MAGI2: variants seen among roughly 807,000 people sequenced by gnomAD.
MAGI2 encodes the protein membrane-associated guanylate kinase, WW and PDZ domain-containing protein 2.
Under a neutral mutation model 133.3 loss-of-function variants are expected in MAGI2, and 35 were observed. The observed-to-expected ratio is 0.26, with a 90% CI of 0.20 to 0.35. The LOEUF is 0.35. Among genes scored for constraint, MAGI2 ranks in the 10% least tolerant of loss-of-function variants. MAGI2 has a pLI of 1.00. For synonymous variants in MAGI2, 729 were observed against 710.6 expected (o/e 1.03, Z -0.41); for missense variants, 1,636 against 1,863.4 (o/e 0.88, Z 2.25).
At chr7:78,269,126 A>G (rs1182805740) in intron 9 of MAGI2, among the ~76,000 whole-genome samples, 1 of 152,146 alleles carries the variant, frequency 6.6e-6, no homozygotes, top group Non-Finnish European at 1.5e-5. Flanking sequence ...ACTCTTTTAT[A>G]ATGGCTGCAT....
At chr7:78,865,134 T>C (rs1345537741) in intron 2 of MAGI2, among the ~76,000 whole-genome samples, 4 of 152,198 alleles carry the variant, frequency 2.6e-5, no homozygotes, top group Non-Finnish European at 5.9e-5. Flanking sequence ...AAATCCTTTG[T>C]AGGAAACTTG....
At chr7:78,773,087 T>C (rs1248887579) in intron 2 of MAGI2, among the ~76,000 whole-genome samples, 2 of 152,104 alleles carry the variant, frequency 1.3e-5, no homozygotes, top group African/African-American at 4.8e-5. Context: ...GAGAAAGACA[T>C]ATTACCTTAG....
intron 1 of MAGI2, among the ~76,000 whole-genome samples, chr7:79,387,933 A>T (rs1251120860): frequency 1.3e-5 from 2 of 152,040 alleles, no homozygotes; most frequent in African/African-American, 4.8e-5. Context: ...GAACACTTTT[A>T]AATGAATAAT....
chr7:78,694,410 G>A (rs1458546435), intron 2 of MAGI2, among the ~76,000 whole-genome samples: 2 of 152,102 alleles, frequency 1.3e-5, no homozygotes, highest in African/African-American at 4.8e-5. Context: ...TCTCCCATTT[G>A]AAGTAGTCCT....
At chr7:78,289,441 T>C (rs1361747976) in intron 9 of MAGI2, among the ~76,000 whole-genome samples, 2 of 152,204 alleles carry the variant, frequency 1.3e-5, no homozygotes, top group South Asian at 2.1e-4. Context: ...CCAAGAAATA[T>C]GGGATTATGT....
intron 2 of MAGI2, among the ~76,000 whole-genome samples, chr7:78,696,671 T>C (rs1817543449): frequency 6.9e-6 from 1 of 145,452 alleles, no homozygotes; most frequent in South Asian, 2.1e-4. Flanking sequence ...GTCATTACTA[T>C]GCAAACTGAT....
chr7:79,394,157 T>A (rs1844874559), intron 1 of MAGI2, among the ~76,000 whole-genome samples: 1 of 152,146 alleles, frequency 6.6e-6, no homozygotes, highest in Non-Finnish European at 1.5e-5. Flanking sequence ...ATGCAGACTC[T>A]AACCCTGGTA....
intron 1 of MAGI2, among the ~76,000 whole-genome samples, chr7:79,307,430 C>T (rs1227372853): frequency 6.6e-6 from 1 of 152,154 alleles, no homozygotes; most frequent in Non-Finnish European, 1.5e-5. Flanking sequence ...AAGTGAGAGG[C>T]TTCACCAGAG....
intron 3 of MAGI2, among the ~76,000 whole-genome samples, chr7:78,574,637 A>G (rs983312695): frequency 1.3e-5 from 2 of 152,206 alleles, no homozygotes; most frequent in African/African-American, 2.4e-5. Flanking sequence ...AGAGTACATA[A>G]TCAAGCAATT....
chr7:78,442,295 G>A (rs1787708741), intron 6 of MAGI2, among the ~76,000 whole-genome samples: 1 of 152,164 alleles, frequency 6.6e-6, no homozygotes, highest in Non-Finnish European at 1.5e-5. Flanking sequence ...ATCATTTGAT[G>A]ATAGATTCTA....
At chr7:78,335,173 C>T (rs544763095) in intron 9 of MAGI2, among the ~76,000 whole-genome samples, 5 of 152,248 alleles carry the variant, frequency 3.3e-5, no homozygotes, top group South Asian at 2.1e-4. Flanking sequence ...TTGCTGATTT[C>T]GGTTCTAGTG....
At chr7:78,777,051 A>G (rs571913352) in intron 2 of MAGI2, among the ~76,000 whole-genome samples, 2 of 152,298 alleles carry the variant, frequency 1.3e-5, no homozygotes, top group African/African-American at 4.8e-5. Flanking sequence ...TCAAATTAAT[A>G]CATTTTCAGT....
At chr7:78,438,910 C>G (rs1406446226) in intron 6 of MAGI2, among the ~76,000 whole-genome samples, 1 of 152,160 alleles carries the variant, frequency 6.6e-6, no homozygotes, top group African/African-American at 2.4e-5. Context: ...TTCCTGCTCA[C>G]TACTCAGTGA....
intron 4 of MAGI2, among the ~76,000 whole-genome samples, chr7:78,508,317 G>T (rs760869574): frequency 9.2e-5 from 14 of 152,178 alleles, no homozygotes; most frequent in Non-Finnish European, 1.3e-4. Context: ...TACTGGATCA[G>T]TTCACTGTGC....
At chr7:78,356,025 T>C (rs968899283) in intron 7 of MAGI2, among the ~76,000 whole-genome samples, 24 of 152,122 alleles carry the variant, frequency 1.6e-4, no homozygotes, top group African/African-American at 3.6e-4. Context: ...TTGTGTAACA[T>C]TGCTTTCAAA....
chr7:78,708,074 T>G (rs1818827504), intron 2 of MAGI2, among the ~76,000 whole-genome samples: 1 of 152,126 alleles, frequency 6.6e-6, no homozygotes, highest in Admixed American at 6.5e-5. Context: ...AAGCAGAATT[T>G]GGAAGAATTA....
intron 20 of MAGI2, among the ~76,000 whole-genome samples, chr7:78,097,000 A>G (rs573667805): frequency 6.6e-6 from 1 of 152,332 alleles, no homozygotes; most frequent in Non-Finnish European, 1.5e-5. Context: ...AAAGTGGGCA[A>G]AGGACAAGAA....
At chr7:78,237,183 G>A (rs11505887) in intron 10 of MAGI2, among the ~76,000 whole-genome samples, 4,481 of 152,190 alleles carry the variant, frequency 0.029, 200 homozygotes, top group African/African-American at 0.1. Flanking sequence ...CCAGTATTTA[G>A]AAATGGCCAA....
At chr7:78,559,753 C>G (rs944317561) in intron 3 of MAGI2, among the ~76,000 whole-genome samples, 2 of 152,078 alleles carry the variant, frequency 1.3e-5, no homozygotes, top group Non-Finnish European at 2.9e-5. Flanking sequence ...TGACTTTATA[C>G]TCATAGTCAC....
Sources: allele counts gnomAD v4.1 joint callset (sites outside exome capture counted in the v4.1 genomes callset), GRCh38; gene constraint gnomAD v4.1.1; transcripts MANE v1.5; gene names NCBI Gene and HGNC (gene_info 2026-07-23, HGNC 2026-07-21).